Variants in B4GALT4 observed in about 807,000 individuals in gnomAD.
B4GALT4 encodes the protein N-acetyllactosamine synthase.
Under a neutral mutation model 37.3 loss-of-function variants are expected in B4GALT4, and 27 were observed. The observed-to-expected ratio is 0.72, with a 90% confidence interval of 0.53 to 1.00. The LOEUF (loss-of-function observed/expected upper bound fraction) is 1.00, where lower values mean the gene tolerates loss of function less well. Ranked by LOEUF, B4GALT4 falls within the 50% of genes least tolerant of loss-of-function variation. B4GALT4 has a pLI of 0.00. For missense variants in B4GALT4, 372 were observed against 413.1 expected (o/e 0.90, Z 0.86); for synonymous variants, 148 against 154.1 (o/e 0.96, Z 0.29).
intron 2 of B4GALT4, chr3:119,236,360 T>C (rs2078985186): frequency 6.6e-6 from 1 of 151,656 alleles, no homozygotes; most frequent in Admixed American, 6.6e-5. Context: ...TTCAATAAAG[T>C]TTGTAGTTTA....
At chr3:119,229,196 C>CT (rs1227092726) in intron 3 of B4GALT4, among the ~76,000 whole-genome samples, 2 of 152,210 alleles carry the variant, frequency 1.3e-5, no homozygotes, top group Non-Finnish European at 2.9e-5. Context: ...CTCTCATGCT[C>CT]TGGTGCTCTG....
At chr3:119,231,397 T>C (rs548857498) in intron 2 of B4GALT4, among the ~76,000 whole-genome samples, 10 of 152,318 alleles carry the variant, frequency 6.6e-5, no homozygotes, top group Admixed American at 2.0e-4. Context: ...ATTCTAAACA[T>C]GTTCTCAGAA....
intron 5 of B4GALT4, among the ~76,000 whole-genome samples, chr3:119,219,409 G>A (rs1337532505): frequency 6.6e-6 from 1 of 152,180 alleles, no homozygotes; most frequent in African/African-American, 2.4e-5. Flanking sequence ...AGGCTGTACA[G>A]AACAAGAATT....
chr3:119,238,672 A>T (rs966243486), intron 1 of B4GALT4, among the ~76,000 whole-genome samples: 1 of 152,214 alleles, frequency 6.6e-6, no homozygotes, highest in Non-Finnish European at 1.5e-5. Flanking sequence ...TTTAGTATAG[A>T]TATGTATGCA....
intron 7 of B4GALT4, 106 bp downstream of exon 7, chr3:119,216,134 C>CT: frequency 1.1e-6 from 1 of 911,704 alleles, no homozygotes; most frequent in Non-Finnish European, 1.5e-6. Context: ...TAATAAAAAT[C>CT]TTTTAACACA....
At chr3:119,218,845 T>C (rs915907639) in intron 5 of B4GALT4, 73 bp from the exon 6 acceptor site, 5 of 1,565,430 alleles carry the variant, frequency 3.2e-6, no homozygotes, top group Non-Finnish European at 4.4e-6. Context: ...GCTGGCGTTC[T>C]AGGAACACCT....
chr3:119,212,267 G>A lies in B4GALT4; in HGVS notation c.*282C>T, dbSNP rs973685627. ...CCTTCAACCAGAGTCCTCAAATAGCGTTCATTTTATCCTTTGAGTCATCCT... is the reference window on the plus strand; with the variant it reads ...CCTTCAACCAGAGTCCTCAAATAGCATTCATTTTATCCTTTGAGTCATCCT... On this transcript the variant is annotated 3_prime_UTR_variant, in exon 8 of 8. Transcript: ENST00000393765. The A allele has an allele frequency of 6.1e-5, 43 of 701,146 alleles. No individual in the cohort carries two copies. Among genetic ancestry groups the A allele is most frequent in the South Asian group, 3.4e-4 (23 of 67,304 alleles). 43.4% of individuals were successfully genotyped at this position (701,146 alleles called of 1,614,324 possible). A position where few individuals can be genotyped will look rare whatever the true frequency, so the allele number is the denominator to read the frequency against.
chr3:119,212,529 C>A lies in B4GALT4; in HGVS notation c.*20G>T, dbSNP rs201736032. ...CAAACAAAGAATCAGTTCTTCCAAA[C>A]ATCACCAAAAGACCCAGGGTCATGC... On this transcript the variant is annotated 3_prime_UTR_variant, in exon 8 of 8. Coordinates refer to ENST00000393765, the MANE Select transcript of B4GALT4 (RefSeq NM_003778.4). 1.9e-6 allele frequency: 3 copies of A among 1,564,454 alleles called. No homozygotes were observed. Among genetic ancestry groups the A allele is most frequent in the Middle Eastern group, 3.4e-4 (2 of 5,836 alleles).
chr3:119,225,740 T>TA (rs775180819), intron 4 of B4GALT4, among the ~76,000 whole-genome samples: 13 of 152,254 alleles, frequency 8.5e-5, no homozygotes, highest in Middle Eastern at 3.4e-3. Context: ...TTTCTATTCA[T>TA]AAAAATAGTA....
At chr3:119,229,038 G>C (rs748526817) in intron 3 of B4GALT4, among the ~76,000 whole-genome samples, 13 of 152,178 alleles carry the variant, frequency 8.5e-5, no homozygotes, top group Non-Finnish European at 1.6e-4. Context: ...CATAAAAGGT[G>C]AACCAAAACA....
chr3:119,222,895 G>T (rs4547690), intron 5 of B4GALT4, among the ~76,000 whole-genome samples: 114,474 of 152,146 alleles, frequency 0.75, 43,441 homozygotes, highest in African/African-American at 0.85. Context: ...ACACACAGCC[G>T]GGGTTTAAAG....
At chr3:119,227,722 GTTTT>G (rs953968475) in intron 3 of B4GALT4, among the ~76,000 whole-genome samples, 1 of 152,136 alleles carries the variant, frequency 6.6e-6, no homozygotes, top group Non-Finnish European at 1.5e-5. Flanking sequence ...AACAGCTCAG[GTTTT>G]TTTGTTTGTT....
chr3:119,229,599 C>T (rs2078744401), intron 3 of B4GALT4, among the ~76,000 whole-genome samples: 1 of 152,094 alleles, frequency 6.6e-6, no homozygotes, highest in Non-Finnish European at 1.5e-5. Context: ...AGCAAGATTC[C>T]ATTTCTTAAT....
At chr3:119,236,641 G>A (rs987456836) in intron 2 of B4GALT4, among the ~76,000 whole-genome samples, 2 of 152,172 alleles carry the variant, frequency 1.3e-5, no homozygotes, top group Non-Finnish European at 2.9e-5. Flanking sequence ...GACGGACTAG[G>A]ATATACTAGT....
chr3:119,230,877 C>T (rs2078791246), intron 2 of B4GALT4, among the ~76,000 whole-genome samples: 2 of 152,196 alleles, frequency 1.3e-5, no homozygotes. Flanking sequence ...AAAACTACAG[C>T]ACAGTGTTTA....
At chr3:119,214,111 C>T (rs952006961) in intron 7 of B4GALT4, 1 of 152,018 alleles carries the variant, frequency 6.6e-6, no homozygotes, top group African/African-American at 2.4e-5. Context: ...CCTGTGGTCC[C>T]AGCTACTTGG....
intron 6 of B4GALT4, 44 bp downstream of exon 6, chr3:119,218,606 C>A (rs72655935): frequency 2.5e-6 from 4 of 1,612,640 alleles, no homozygotes; most frequent in Non-Finnish European, 3.4e-6. Flanking sequence ...CAGAGCCACA[C>A]TGAGTGCAGA....
At chr3:119,216,893 G>A (rs1353933876) in intron 6 of B4GALT4, among the ~76,000 whole-genome samples, 1 of 152,236 alleles carries the variant, frequency 6.6e-6, no homozygotes, top group Admixed American at 6.5e-5. Flanking sequence ...GTGATAGGGA[G>A]TTGATTTCAA....
At chr3:119,225,073 A>C (rs551350660) in intron 4 of B4GALT4, among the ~76,000 whole-genome samples, 1 of 152,340 alleles carries the variant, frequency 6.6e-6, no homozygotes, top group African/African-American at 2.4e-5. Flanking sequence ...AGTTATTGCT[A>C]ATATTTCTAA....
Sources: gnomAD v4.1 joint callset for allele counts (sites outside exome capture counted in the v4.1 genomes callset) on GRCh38, gnomAD v4.1.1 for gene constraint, MANE v1.5 for transcripts, NCBI Gene and HGNC (gene_info 2026-07-23, HGNC 2026-07-21) for gene names.